ABI3BP: variants seen among roughly 807,000 people sequenced by gnomAD.
ABI3BP encodes the protein target of Nesh-SH3.
In ABI3BP, 216 loss-of-function variants were observed where a neutral mutation model predicts 268.6. The observed-to-expected ratio is 0.80, with a 90% CI of 0.72 to 0.90. The LOEUF is 0.90. Among genes scored for constraint, ABI3BP ranks in the 40% least tolerant of loss-of-function variants. The pLI is 0.00. For missense variants in ABI3BP, 2,090 were observed against 2,182.4 expected (o/e 0.96, Z 0.84); for synonymous variants, 730 against 730.0 (o/e 1.00, Z 0.00).
intron 61 of ABI3BP, among the ~76,000 whole-genome samples, chr3:100,772,512 T>C (rs757720837): frequency 6.6e-6 from 1 of 152,086 alleles, no homozygotes; most frequent in Non-Finnish European, 1.5e-5. Context: ...ATATGTGAAG[T>C]TGTAGATTAT....
chr3:100,809,798 G>C (rs1238351279), intron 49 of ABI3BP, among the ~76,000 whole-genome samples: 1 of 152,044 alleles, frequency 6.6e-6, no homozygotes, highest in Non-Finnish European at 1.5e-5. Flanking sequence ...AGCATATTTA[G>C]TTATTCATGT....
intron 1 of ABI3BP, among the ~76,000 whole-genome samples, chr3:100,961,897 T>C (rs773395548): frequency 1.3e-5 from 2 of 152,144 alleles, no homozygotes; most frequent in Non-Finnish European, 2.9e-5. Context: ...ACTGCAATAA[T>C]ATTCTTGCCA....
chr3:100,886,170 CT>C lies in ABI3BP; in HGVS notation c.614del (p.Lys205ArgfsTer14). ...KDNVEGGIWS[K>X]IFNHKTVVGS... ...CAACAACAGTCTTGTGATTGAAAAT[CT>C]TACTCCAAATTCCACCTTCCACATT... On this transcript the variant is annotated frameshift_variant, in exon 5 of 68. Coordinates refer to ENST00000471714, the MANE Select transcript of ABI3BP (RefSeq NM_001375547.2). LOFTEE classifies it high-confidence loss of function. 6.3e-7 allele frequency: 1 copy of C among 1,599,260 alleles called. No individual in the cohort carries two copies. The highest frequency in any genetic ancestry group is 8.5e-7 in the Non-Finnish European group (1 of 1,173,246).
rs1292728529 is a variant in ABI3BP at position 100,816,835 on chromosome 3, A to G, written c.3149-67T>C. 7 of 1,127,614 alleles carry G rather than the reference A, an allele frequency of 6.2e-6. No homozygotes were observed. The Admixed American group carries it at 1.3e-4, about 20-fold the overall frequency. The allele number at this position is 1,127,614 out of a possible 1,614,324, so 69.9% of individuals were successfully genotyped here. On this transcript the variant is annotated intron_variant, in intron 42 of 67. Coordinates refer to ENST00000471714, the MANE Select transcript of ABI3BP (RefSeq NM_001375547.2). ...TGGAGACAAAACTTTAGGTTTTTAA[A>G]GGTATGTCATATTTCCTTGAGATTT... is the stretch of plus-strand genomic sequence containing the variant.
At chr3:100,810,956 C>G (rs1417833530) in intron 48 of ABI3BP, among the ~76,000 whole-genome samples, 1 of 152,024 alleles carries the variant, frequency 6.6e-6, no homozygotes, top group Non-Finnish European at 1.5e-5. Flanking sequence ...GCCAAGCTGG[C>G]AGGATGTACA....
chr3:100,954,102 T>C (rs138145770), intron 1 of ABI3BP, among the ~76,000 whole-genome samples: 185 of 152,290 alleles, frequency 1.2e-3, no homozygotes, highest in South Asian at 8.1e-3. Flanking sequence ...CATCAGAACA[T>C]CTCCTCTCAA....
intron 1 of ABI3BP, among the ~76,000 whole-genome samples, chr3:100,937,636 C>T (rs2066807959): frequency 6.6e-6 from 1 of 152,030 alleles, no homozygotes; most frequent in Non-Finnish European, 1.5e-5. Context: ...ACAGCACCTG[C>T]AGAATTAGTT....
In ABI3BP at chr3:100,750,489, C is replaced by T. The variant is rs997047167; in HGVS notation, c.*6G>A. On this transcript the variant is annotated 3_prime_UTR_variant, in exon 68 of 68. Coordinates refer to ENST00000471714, the MANE Select transcript of ABI3BP (RefSeq NM_001375547.2). ...TGATGAAACAGAAGGTAACTTTGTG[C>T]AGCATCTACCATTTTCCAGGAATTG... 1 of 1,598,076 alleles carries T rather than the reference C, an allele frequency of 6.3e-7. No homozygotes were observed.
At chr3:100,873,070 G>A (rs1403343783) in intron 9 of ABI3BP, among the ~76,000 whole-genome samples, 1 of 152,076 alleles carries the variant, frequency 6.6e-6, no homozygotes, top group Non-Finnish European at 1.5e-5. Flanking sequence ...CCTTCTTCCA[G>A]GAGTTTCTCA....
At chr3:100,908,723 G>T (rs7633738) in intron 2 of ABI3BP, among the ~76,000 whole-genome samples, 3,733 of 152,206 alleles carry the variant, frequency 0.025, 154 homozygotes, top group African/African-American at 0.085. Flanking sequence ...CCTCTTCAAG[G>T]AGAACTACAA....
At chr3:100,910,598 C>T (rs1213825970) in intron 2 of ABI3BP, among the ~76,000 whole-genome samples, 1 of 151,614 alleles carries the variant, frequency 6.6e-6, no homozygotes, top group African/African-American at 2.4e-5. Context: ...TGGTCTCTAA[C>T]TCCTGGCCTC....
chr3:100,839,475 AGGT>A, intron 24 of ABI3BP, 91 bp downstream of exon 24: 1 of 1,259,736 alleles, frequency 7.9e-7, no homozygotes, highest in East Asian at 2.5e-5. Context: ...AACTGTGATG[AGGT>A]GGTGGAACTG....
chr3:100,785,771 C>T (rs560784613), intron 57 of ABI3BP, among the ~76,000 whole-genome samples: 4 of 152,094 alleles, frequency 2.6e-5, no homozygotes, highest in African/African-American at 4.8e-5. Context: ...TTTTGGCAGT[C>T]GTAGCTTTTT....
At position 100,848,811 on chromosome 3, in the gene ABI3BP, T is replaced by TCTTGGCGGTTTGGGC; in HGVS notation, c.1551_1565dup (p.Pro518_Arg522dup). The TCTTGGCGGTTTGGGC allele has an allele frequency of 6.2e-7, 1 of 1,612,914 alleles. No individual in the cohort carries two copies. Among genetic ancestry groups the TCTTGGCGGTTTGGGC allele is most frequent in the Non-Finnish European group, 8.5e-7 (1 of 1,179,046 alleles). On this transcript the variant is annotated inframe_insertion, in exon 18 of 68. Coordinates refer to ENST00000471714, the MANE Select transcript of ABI3BP (RefSeq NM_001375547.2). ...TAAAGAGACATTTACCAGGTTTGGT[T>TCTTGGCGGTTTGGGC]CTTGGCGGTTTGGGCCGGGGGCGTC...
In ABI3BP at chr3:100,848,821, T is replaced by C; in HGVS notation, c.1556A>G (p.Lys519Arg). Residue 519 changes from lysine to arginine, a missense_variant, in exon 18 of 68, where the codon AAA becomes AGA. Lys to Arg is a conservative substitution (Grantham distance 26, BLOSUM62 2). Transcript: ENST00000471714. The stretch of plus-strand genomic sequence containing the variant: ...TTTACCAGGTTTGGTTCTTGGCGGT[T>C]TGGGCCGGGGGCGTCGTTTAGGTGT... ...PSTPKRRPRP[K>R]PPRTKPERTT... 1 of 1,613,298 alleles carries C rather than the reference T, an allele frequency of 6.2e-7. No homozygotes were observed. The highest frequency in any genetic ancestry group is 8.5e-7 in the Non-Finnish European group (1 of 1,179,362).
intron 6 of ABI3BP, among the ~76,000 whole-genome samples, chr3:100,883,698 C>T (rs560736273): frequency 1.3e-5 from 2 of 152,006 alleles, no homozygotes; most frequent in Admixed American, 1.3e-4. Flanking sequence ...AAATTAGTAC[C>T]ACTTTTCGGG....
At position 100,811,238 on chromosome 3, in the gene ABI3BP, G is replaced by A; in HGVS notation, c.3533C>T (p.Thr1178Ile). Residue 1178 changes from threonine (T) to isoleucine (I), a missense_variant, in exon 48 of 68, where the codon ACC (threonine) becomes ATC (isoleucine). By Grantham distance (89) the Thr-to-Ile change is moderately conservative. Transcript: ENST00000471714. ...SITYVSEPPETTLETSPLPSQ... is the reference protein window; with the variant it reads ...SITYVSEPPEITLETSPLPSQ... ...GCTACCGAGGTTATTACCTAGTGTG[G>A]TCTCAGGTGGTTCAGATACATATGT... 2 of 1,534,112 alleles carry A rather than the reference G, an allele frequency of 1.3e-6. No homozygotes were observed. Among genetic ancestry groups the A allele is most frequent in the Non-Finnish European group, 1.7e-6 (2 of 1,145,800 alleles).
intron 1 of ABI3BP, among the ~76,000 whole-genome samples, chr3:100,949,433 C>G (rs549921371): frequency 2.0e-5 from 3 of 151,910 alleles, no homozygotes; most frequent in Non-Finnish European, 4.4e-5. Context: ...TTGTTGTTGT[C>G]GTTGTTATTT....
intron 56 of ABI3BP, among the ~76,000 whole-genome samples, chr3:100,788,502 C>T (rs1185342177): frequency 2.0e-5 from 3 of 152,084 alleles, no homozygotes; most frequent in Non-Finnish European, 2.9e-5. Context: ...GCTTCCTCAA[C>T]TGTACCTCAC....
Sources: allele counts gnomAD v4.1 joint callset (sites outside exome capture counted in the v4.1 genomes callset), GRCh38; gene constraint gnomAD v4.1.1; transcripts MANE v1.5; gene names NCBI Gene and HGNC (gene_info 2026-07-23, HGNC 2026-07-21).